Variants in MEMO1 observed in about 807,000 individuals in gnomAD.
MEMO1 encodes the protein mediator of cell motility 1, also known as protein MEMO1.
Under a neutral mutation model 45.2 loss-of-function variants are expected in MEMO1, and 6 were observed. That is an observed-to-expected ratio of 0.13 (90% CI 0.07 to 0.26). The LOEUF (loss-of-function observed/expected upper bound fraction) is 0.26. Ranked by LOEUF, MEMO1 falls within the 10% of genes least tolerant of loss-of-function variation. MEMO1 has a pLI of 1.00. For missense variants in MEMO1, 184 were observed against 370.5 expected (o/e 0.50, Z 4.13); for synonymous variants, 78 against 124.3 (o/e 0.63, Z 2.48).
At chr2:31,892,160 AT>A (rs1677073166) in intron 6 of MEMO1, 26 bp from the exon 7 acceptor site, 5 of 1,556,604 alleles carry the variant, frequency 3.2e-6, no homozygotes, top group Non-Finnish European at 4.3e-6. Flanking sequence ...AAAAAAAAAA[AT>A]GTCATTTAAG....
chr2:31,904,152 T>C (rs1323723659), intron 6 of MEMO1, among the ~76,000 whole-genome samples: 2 of 152,204 alleles, frequency 1.3e-5, no homozygotes. Flanking sequence ...AGAGTTAACA[T>C]AGCTAGGCCT....
chr2:31,886,992 A>G (rs1676278204), intron 7 of MEMO1, among the ~76,000 whole-genome samples: 1 of 152,186 alleles, frequency 6.6e-6, no homozygotes, highest in Non-Finnish European at 1.5e-5. Context: ...AGATGAGAGG[A>G]AAAATAACCC....
chr2:31,932,222 C>T, intron 3 of MEMO1, 87 bp from the exon 4 acceptor site: 1 of 1,046,824 alleles, frequency 9.6e-7, no homozygotes, highest in Non-Finnish European at 1.5e-6. Context: ...AATACAGTAC[C>T]TATGGTAAAC....
intron 2 of MEMO1, among the ~76,000 whole-genome samples, chr2:31,973,912 T>C (rs557767918): frequency 6.6e-6 from 1 of 152,220 alleles, no homozygotes; most frequent in Non-Finnish European, 1.5e-5. Context: ...ACATTGTGAA[T>C]GTATTAAATG....
intron 9 of MEMO1, among the ~76,000 whole-genome samples, chr2:31,869,319 A>G (rs937407951): frequency 6.6e-6 from 1 of 150,764 alleles, no homozygotes; most frequent in African/African-American, 2.5e-5. Flanking sequence ...TAATTAGAAG[A>G]AAAAAATGCT....
At chr2:31,914,480 C>A (rs1382918018) in intron 6 of MEMO1, among the ~76,000 whole-genome samples, 3 of 152,058 alleles carry the variant, frequency 2.0e-5, no homozygotes, top group Non-Finnish European at 4.4e-5. Context: ...TTTTAAGTAA[C>A]TAAAAGAATA....
chr2:31,955,152 G>A lies in MEMO1; in HGVS notation c.62-11769C>T, dbSNP rs539723490. Among the ~76,000 whole-genome samples, 5 of 151,816 alleles carry A rather than the reference G, an allele frequency of 3.3e-5. No homozygotes were observed. The South Asian group carries it at 6.2e-4, about 19-fold the overall frequency. The stretch of plus-strand genomic sequence containing the variant: ...ACTCCAGGGCTGAGGCAGGAAGATC[G>A]CTTGAGTCCAGGAGGTCAAATCTGC... On this transcript the variant is annotated intron_variant, in intron 2 of 9. Transcript: ENST00000404530.
chr2:31,928,829 C>T (rs890555021), intron 4 of MEMO1, among the ~76,000 whole-genome samples: 3 of 152,060 alleles, frequency 2.0e-5, no homozygotes, highest in East Asian at 1.9e-4. Context: ...TGTTATACCC[C>T]GCTTTTTTTA....
intron 2 of MEMO1, among the ~76,000 whole-genome samples, chr2:31,997,743 C>T (rs145083500): frequency 2.2e-3 from 331 of 152,170 alleles, no homozygotes; most frequent in African/African-American, 7.2e-3. Context: ...GTATGTAAGA[C>T]CTTGTAAGTT....
intron 7 of MEMO1, among the ~76,000 whole-genome samples, chr2:31,888,547 T>C (rs1676506239): frequency 6.6e-6 from 1 of 152,046 alleles, no homozygotes; most frequent in Admixed American, 6.6e-5. Flanking sequence ...AATTCTCTCA[T>C]ACGGAGCCAT....
intron 9 of MEMO1, among the ~76,000 whole-genome samples, 155 bp from the exon 10 acceptor site, chr2:31,868,647 A>C (rs1343818258): frequency 6.6e-6 from 1 of 152,198 alleles, no homozygotes; most frequent in Non-Finnish European, 1.5e-5. Flanking sequence ...ATCATATTAA[A>C]ATAGAAAAAA....
intron 8 of MEMO1, among the ~76,000 whole-genome samples, chr2:31,871,677 G>A (rs1038413500): frequency 6.6e-6 from 1 of 152,108 alleles, no homozygotes. Context: ...ACTCTCCACC[G>A]ACACTTGGTA....
At chr2:31,965,297 G>A (rs1447001253) in intron 2 of MEMO1, among the ~76,000 whole-genome samples, 1 of 150,520 alleles carries the variant, frequency 6.6e-6, no homozygotes, top group Middle Eastern at 3.4e-3. Flanking sequence ...GGGAAGAAGG[G>A]AAGGAGGGAA....
chr2:31,935,661 TC>T (rs1332956182), intron 3 of MEMO1, among the ~76,000 whole-genome samples: 1 of 152,160 alleles, frequency 6.6e-6, no homozygotes, highest in Non-Finnish European at 1.5e-5. Flanking sequence ...TCTTGTAATT[TC>T]CTTTATCCTC....
intron 2 of MEMO1, among the ~76,000 whole-genome samples, chr2:31,950,401 C>A (rs1266821834): frequency 1.4e-5 from 2 of 146,614 alleles, no homozygotes; most frequent in Non-Finnish European, 3.0e-5. Flanking sequence ...CAAAAAAAAA[C>A]CTATTAATGA....
chr2:31,991,089 T>C (rs1671888762), intron 2 of MEMO1, among the ~76,000 whole-genome samples: 2 of 152,164 alleles, frequency 1.3e-5, no homozygotes, highest in South Asian at 4.1e-4. Context: ...AAAATAACTA[T>C]ACAAGCTAGC....
At chr2:32,007,133 G>A (rs1674193510) in intron 2 of MEMO1, among the ~76,000 whole-genome samples, 1 of 152,116 alleles carries the variant, frequency 6.6e-6, no homozygotes, top group African/African-American at 2.4e-5. Context: ...ATAGGCATCT[G>A]TACTCTAGGA....
intron 2 of MEMO1, among the ~76,000 whole-genome samples, chr2:31,988,082 G>A (rs935273585): frequency 6.6e-6 from 1 of 152,110 alleles, no homozygotes; most frequent in Non-Finnish European, 1.5e-5. Context: ...GTTGGTAAGA[G>A]TTCTTGGTTT....
chr2:31,936,942 TCTC>T (rs376910625), intron 3 of MEMO1, among the ~76,000 whole-genome samples: 5 of 152,252 alleles, frequency 3.3e-5, no homozygotes, highest in Non-Finnish European at 7.4e-5. Flanking sequence ...AATGGGAAGA[TCTC>T]CTCCAACAAT....
Sources: allele counts gnomAD v4.1 joint callset (sites outside exome capture counted in the v4.1 genomes callset), GRCh38; gene constraint gnomAD v4.1.1; transcripts MANE v1.5; gene names NCBI Gene and HGNC (gene_info 2026-07-23, HGNC 2026-07-21).